The following SLCO6A1 variants were observed in gnomAD, a reference collection of about 807,000 sequenced individuals.
The protein encoded by SLCO6A1 is cancer/testis antigen 48.
A neutral mutation model predicts 72.7 loss-of-function variants in SLCO6A1; 65 were observed. That is an observed-to-expected ratio of 0.89 (90% CI 0.73 to 1.10). The LOEUF is 1.10. SLCO6A1 is among the 50% of genes least tolerant of loss of function. The pLI is 0.00. For missense variants in SLCO6A1, 874 were observed against 872.6 expected (o/e 1.00, Z -0.02); for synonymous variants, 314 against 298.2 (o/e 1.05, Z -0.55).
intron 7 of SLCO6A1, among the ~76,000 whole-genome samples, chr5:102,425,092 A>T (rs1748816790): frequency 6.6e-6 from 1 of 152,188 alleles, no homozygotes; most frequent in Non-Finnish European, 1.5e-5. Context: ...AAAACACTCA[A>T]TAAACTAGGT....
chr5:102,418,294 C>T (rs1350722881), intron 8 of SLCO6A1, among the ~76,000 whole-genome samples: 4 of 151,772 alleles, frequency 2.6e-5, no homozygotes, highest in Non-Finnish European at 5.9e-5. Flanking sequence ...AATTTGATTA[C>T]AATGTGTTAT....
In SLCO6A1 at chr5:102,391,062, A is replaced by G. The variant is rs1746728695; in HGVS notation, c.1815-17T>C. The G allele has an allele frequency of 1.2e-6, 2 of 1,607,742 alleles. No individual in the cohort carries two copies. Among genetic ancestry groups the G allele is most frequent in the Admixed American group, 1.7e-5 (1 of 59,962 alleles). On this transcript the variant is annotated splice_polypyrimidine_tract_variant and intron_variant, in intron 10 of 13. Coordinates refer to ENST00000506729, the MANE Select transcript of SLCO6A1 (RefSeq NM_173488.5). ...GGTACAACCCTGAAAGTAAATAGCA[A>G]TGATATAATCAGCACATCATTGTTA...
chr5:102,423,774 T>G (rs1166277907), intron 7 of SLCO6A1, among the ~76,000 whole-genome samples: 1 of 152,186 alleles, frequency 6.6e-6, no homozygotes, highest in Non-Finnish European at 1.5e-5. Context: ...CAAGCTGATC[T>G]AATAGACAAC....
Position 102,459,664 on chromosome 5 carries a change from T to A in SLCO6A1, c.1013A>T (p.Asn338Ile). 1.3e-6 allele frequency: 2 copies of A among 1,581,666 alleles called. No individual in the cohort carries two copies. Among genetic ancestry groups the A allele is most frequent in the Non-Finnish European group, 1.7e-6 (2 of 1,170,760 alleles). ...TLIPLSCFPN[N>I]MPGSTRIKAR... is the part of the protein sequence containing the mutation. Reference sequence around the variant, plus strand: ...TTACATTTTATAGTCACCTGGCATATTGTTTGGAAAGCATGACAATGGTAT... The same window carrying A: ...TTACATTTTATAGTCACCTGGCATAATGTTTGGAAAGCATGACAATGGTAT... The change falls in exon 5 of 14, where the codon AAT (asparagine) becomes ATT (isoleucine). Residue 338 changes from asparagine to isoleucine, a missense_variant. Coordinates refer to ENST00000506729, the MANE Select transcript of SLCO6A1 (RefSeq NM_173488.5).
At chr5:102,402,076 G>A (rs897680135) in intron 9 of SLCO6A1, among the ~76,000 whole-genome samples, 1 of 152,048 alleles carries the variant, frequency 6.6e-6, no homozygotes, top group African/African-American at 2.4e-5. Flanking sequence ...CCATGTATTA[G>A]AGAAAGTGAG....
intron 4 of SLCO6A1, among the ~76,000 whole-genome samples, chr5:102,460,191 T>C (rs1037839493): frequency 6.6e-6 from 1 of 152,194 alleles, no homozygotes; most frequent in African/African-American, 2.4e-5. Flanking sequence ...GCCCCTTATG[T>C]TGCAGAACTG....
chr5:102,449,638 G>A (rs1750306477), intron 6 of SLCO6A1, among the ~76,000 whole-genome samples: 2 of 151,998 alleles, frequency 1.3e-5, no homozygotes, highest in South Asian at 2.1e-4. Context: ...CGCCCGCCTC[G>A]GCCCCCCAAA....
chr5:102,462,632 G>A (rs1020101802), intron 4 of SLCO6A1, among the ~76,000 whole-genome samples: 3 of 152,094 alleles, frequency 2.0e-5, no homozygotes, highest in African/African-American at 7.2e-5. Context: ...AATTTTAATC[G>A]GGGAAAGGAC....
chr5:102,460,899 CATATATATATATATATATATATATAT>C lies in SLCO6A1; in HGVS notation c.900-1148_900-1123del, dbSNP rs60973292. ...CTTGATTGTCATTACCCACTTATCTCATATATATATATATATATATATATATATATATATATATATATATATATATA... is the reference window on the plus strand; with the variant it reads ...CTTGATTGTCATTACCCACTTATCTCATATATATATATATATATATATATA... On this transcript the variant is annotated intron_variant, in intron 4 of 13. Transcript: ENST00000506729. 1.7e-3 allele frequency among the ~76,000 whole-genome samples: 220 copies of C among 130,278 alleles called. 1 individual carries two copies. The East Asian group carries it at 0.025, about 15-fold the overall frequency. 85.5% of individuals were successfully genotyped at this position (130,278 alleles called of 152,430 possible).
At position 102,416,102 on chromosome 5, in the gene SLCO6A1, TTGG is replaced by T. The variant is rs543840832; in HGVS notation, c.1473-2962_1473-2960del. On this transcript the variant is annotated intron_variant, in intron 8 of 13. Coordinates refer to ENST00000506729, the MANE Select transcript of SLCO6A1 (RefSeq NM_173488.5). The stretch of plus-strand genomic sequence containing the variant: ...GAGAAAAGGGAATGCTTCTACACGG[TTGG>T]TGGGAATGTAAATTAGTACAACTTC... Among the ~76,000 whole-genome samples, 1,239 of 152,184 alleles carry T rather than the reference TTGG, an allele frequency of 8.1e-3. 12 individuals are homozygous for T. The highest frequency in any genetic ancestry group is 0.015 in the Non-Finnish European group (1,009 of 67,962).
chr5:102,410,968 T>C (rs1487276525), intron 9 of SLCO6A1, among the ~76,000 whole-genome samples: 1 of 152,054 alleles, frequency 6.6e-6, no homozygotes, highest in Non-Finnish European at 1.5e-5. Context: ...AGTAAACACT[T>C]TGGATTCTTC....
chr5:102,422,417 G>A (rs1002704575), intron 7 of SLCO6A1, among the ~76,000 whole-genome samples: 1 of 152,148 alleles, frequency 6.6e-6, no homozygotes, highest in African/African-American at 2.4e-5. Context: ...AACCAGTTTA[G>A]AAAAGAACAC....
chr5:102,450,926 C>A (rs919048435), intron 6 of SLCO6A1, among the ~76,000 whole-genome samples: 1 of 152,166 alleles, frequency 6.6e-6, no homozygotes, highest in South Asian at 2.1e-4. Context: ...AGGATAGTAA[C>A]CGTGGTACCA....
In SLCO6A1 at chr5:102,498,729, G is replaced by A. The variant is rs1753028894; in HGVS notation, c.116C>T (p.Pro39Leu). 3.1e-6 allele frequency: 5 copies of A among 1,614,090 alleles called. No homozygotes were observed. Among genetic ancestry groups the A allele is most frequent in the Non-Finnish European group, 4.2e-6 (5 of 1,180,016 alleles). The change falls in exon 1 of 14, where the codon CCG becomes CTG. Residue 39 changes from proline to leucine, a missense_variant. Coordinates refer to ENST00000506729, the MANE Select transcript of SLCO6A1 (RefSeq NM_173488.5). Reference protein sequence around the residue: ...PAKDRRAKGTPKSSKPGKKHR... With the variant: ...PAKDRRAKGTLKSSKPGKKHR... ...TTTTTTCCCGGGCTTCGAGGACTTC[G>A]GGGTTCCCTTGGCCCTCCTGTCCTT...
At chr5:102,385,911 C>T (rs1561417252) in intron 12 of SLCO6A1, among the ~76,000 whole-genome samples, 1 of 148,586 alleles carries the variant, frequency 6.7e-6, no homozygotes, top group African/African-American at 2.5e-5. Context: ...AATGATCCTA[C>T]TGCCTCAGCC....
intron 1 of SLCO6A1, among the ~76,000 whole-genome samples, chr5:102,484,922 T>G (rs1403788874): frequency 6.6e-6 from 1 of 152,160 alleles, no homozygotes; most frequent in Non-Finnish European, 1.5e-5. Context: ...TTTTACAGTT[T>G]TGCAGTGAAG....
chr5:102,467,807 T>A (rs188479009), intron 4 of SLCO6A1, among the ~76,000 whole-genome samples: 1 of 152,256 alleles, frequency 6.6e-6, no homozygotes, highest in Admixed American at 6.5e-5. Flanking sequence ...ATTTATCTTT[T>A]GTATTTTTGG....
At chr5:102,480,488 TATG>T in intron 1 of SLCO6A1, 54 bp from the exon 2 acceptor site, 2 of 1,523,836 alleles carry the variant, frequency 1.3e-6, no homozygotes, top group East Asian at 4.5e-5. Context: ...AAGAGGTCAT[TATG>T]ATTATTACAA....
chr5:102,472,589 T>A, intron 4 of SLCO6A1, among the ~76,000 whole-genome samples: 1 of 152,162 alleles, frequency 6.6e-6, no homozygotes, highest in South Asian at 2.1e-4. Context: ...TTAAAATATA[T>A]ATTTATGTAA....
Sources: gnomAD v4.1 joint callset for allele counts (sites outside exome capture counted in the v4.1 genomes callset) on GRCh38, gnomAD v4.1.1 for gene constraint, MANE v1.5 for transcripts, NCBI Gene and HGNC (gene_info 2026-07-23, HGNC 2026-07-21) for gene names.